SETBP1: variants seen among roughly 807,000 people sequenced by gnomAD.
SETBP1 encodes the protein SET binding protein 1.
In SETBP1, 9 loss-of-function variants were observed where a neutral mutation model predicts 101.0. The observed-to-expected ratio is 0.09, with a 90% CI of 0.05 to 0.16. The LOEUF (loss-of-function observed/expected upper bound fraction) is 0.16. Ranked by LOEUF, SETBP1 falls within the 10% of genes least tolerant of loss-of-function variation. The pLI is 1.00. For synonymous variants in SETBP1, 818 were observed against 788.5 expected, an observed-to-expected ratio of 1.04 and a Z score of -0.63; for missense variants, 1,858 against 2,033.8, an observed-to-expected ratio of 0.91 and a Z score of 1.66.
At chr18:44,786,066 T>C (rs1028618005) in intron 2 of SETBP1, among the ~76,000 whole-genome samples, 2 of 152,226 alleles carry the variant, frequency 1.3e-5, no homozygotes, top group African/African-American at 4.8e-5. Context: ...AATCTCAGTA[T>C]TGATTTTTCA....
chr18:45,029,761 C>T (rs148751511), intron 4 of SETBP1, among the ~76,000 whole-genome samples: 7,224 of 152,018 alleles, frequency 0.048, 186 homozygotes, highest in Non-Finnish European at 0.058. Context: ...TATTTTATTC[C>T]CTTTGAAGCA....
rs1383628966 is a variant in SETBP1, at chr18:45,066,653, G to C, written c.*2955G>C. 1.4e-5 allele frequency: 2 copies of C among 141,194 alleles called. No homozygotes were observed. Among genetic ancestry groups the C allele is most frequent in the South Asian group, 4.6e-4 (2 of 4,370 alleles). 8.7% of individuals were successfully genotyped at this position (141,194 alleles called of 1,614,324 possible). A position where few individuals can be genotyped will look rare whatever the true frequency, so the allele number is the denominator to read the frequency against. ...TGGAGGTCTCTGGCCCCCCAACACT[G>C]CCTTCTGGGGGCTGCATTTTTTTTT... On this transcript the variant is annotated 3_prime_UTR_variant, in exon 6 of 6. Coordinates refer to ENST00000649279, the MANE Select transcript of SETBP1 (RefSeq NM_015559.3).
chr18:44,960,029 C>T (rs573116315), intron 4 of SETBP1, among the ~76,000 whole-genome samples: 1 of 152,196 alleles, frequency 6.6e-6, no homozygotes, highest in South Asian at 2.1e-4. Context: ...GTCTCAGCCT[C>T]CCAAGTAACT....
chr18:44,859,014 A>T (rs1428979487), intron 2 of SETBP1, among the ~76,000 whole-genome samples: 3 of 150,606 alleles, frequency 2.0e-5, no homozygotes, highest in African/African-American at 7.3e-5. Flanking sequence ...AAGGAAGGAA[A>T]AAAGTGTGGG....
intron 2 of SETBP1, among the ~76,000 whole-genome samples, chr18:44,849,307 G>T (rs889529950): frequency 1.3e-5 from 2 of 152,134 alleles, no homozygotes; most frequent in African/African-American, 4.8e-5. Context: ...CAGATCCCAT[G>T]ATTCAATAAA....
chr18:44,891,710 T>C (rs944881510), intron 3 of SETBP1, among the ~76,000 whole-genome samples: 5 of 152,144 alleles, frequency 3.3e-5, no homozygotes, highest in African/African-American at 4.8e-5. Flanking sequence ...TTTCCTGGGT[T>C]ATTGCTTAGT....
chr18:44,990,309 A>G (rs866045052), intron 4 of SETBP1, among the ~76,000 whole-genome samples: 1 of 152,168 alleles, frequency 6.6e-6, no homozygotes, highest in African/African-American at 2.4e-5. Context: ...ATATTTGAAC[A>G]TTGGCCAGGG....
At chr18:44,897,285 C>T (rs2069928662) in intron 3 of SETBP1, among the ~76,000 whole-genome samples, 1 of 152,114 alleles carries the variant, frequency 6.6e-6, no homozygotes, top group African/African-American at 2.4e-5. Flanking sequence ...GCTGAAGCTT[C>T]GGGGCATCCC....
chr18:44,899,973 A>T (rs1465787462), intron 3 of SETBP1, among the ~76,000 whole-genome samples: 2 of 152,218 alleles, frequency 1.3e-5, no homozygotes, highest in Admixed American at 6.5e-5. Context: ...TGTTGCAATG[A>T]CACAACCCTG....
At chr18:44,984,290 G>A (rs1263280917) in intron 4 of SETBP1, among the ~76,000 whole-genome samples, 1 of 152,190 alleles carries the variant, frequency 6.6e-6, no homozygotes, top group African/African-American at 2.4e-5. Context: ...AGACAGGCAG[G>A]GCAGGGGAGT....
chr18:44,996,115 T>C (rs995092660), intron 4 of SETBP1, among the ~76,000 whole-genome samples: 3 of 152,240 alleles, frequency 2.0e-5, no homozygotes, highest in Admixed American at 1.3e-4. Context: ...AAGTAGCTAC[T>C]GTTCTTGTTT....
intron 5 of SETBP1, among the ~76,000 whole-genome samples, chr18:45,041,792 A>C (rs1272536874): frequency 6.6e-6 from 1 of 151,978 alleles, no homozygotes; most frequent in Non-Finnish European, 1.5e-5. Context: ...TGAAACCTCT[A>C]CTAAAAATAC....
chr18:44,961,804 C>T (rs995430024), intron 4 of SETBP1, among the ~76,000 whole-genome samples: 1 of 152,152 alleles, frequency 6.6e-6, no homozygotes, highest in African/African-American at 2.4e-5. Context: ...TTGAAAATTC[C>T]TTTCTGTGGT....
chr18:44,940,679 G>A lies in SETBP1; in HGVS notation c.541-9202G>A, dbSNP rs547820196. 2.6e-4 allele frequency among the ~76,000 whole-genome samples: 39 copies of A among 152,126 alleles called. No individual in the cohort carries two copies. The South Asian group carries it at 7.7e-3, about 30-fold the overall frequency. On this transcript the variant is annotated intron_variant, in intron 3 of 5. Coordinates refer to ENST00000649279, the MANE Select transcript of SETBP1 (RefSeq NM_015559.3). Reference sequence around the variant, plus strand: ...CTCTTATTCTTTGTTTTATTGTTGTGGTGGAGTTTATTTCTACAAATGTCA... The same window carrying A: ...CTCTTATTCTTTGTTTTATTGTTGTAGTGGAGTTTATTTCTACAAATGTCA...
intron 2 of SETBP1, among the ~76,000 whole-genome samples, chr18:44,818,798 C>T (rs995568712): frequency 2.6e-5 from 4 of 151,296 alleles, no homozygotes; most frequent in Non-Finnish European, 5.9e-5. Flanking sequence ...CATCATAACA[C>T]GATTATATTT....
At chr18:45,030,179 T>C (rs576855929) in intron 4 of SETBP1, among the ~76,000 whole-genome samples, 8,941 of 137,676 alleles carry the variant, frequency 0.065, 341 homozygotes, top group African/African-American at 0.14. Context: ...TTTTGAGATA[T>C]GTCCCATCAA....
chr18:45,002,201 A>G (rs1170255276), intron 4 of SETBP1, among the ~76,000 whole-genome samples: 1 of 152,200 alleles, frequency 6.6e-6, no homozygotes, highest in African/African-American at 2.4e-5. Flanking sequence ...GAGCATTTCA[A>G]AAATTCACCC....
chr18:44,765,562 A>G (rs2070748730), intron 2 of SETBP1, among the ~76,000 whole-genome samples: 1 of 152,242 alleles, frequency 6.6e-6, no homozygotes, highest in Non-Finnish European at 1.5e-5. Flanking sequence ...CGGAATAATT[A>G]TTTAGTGAAT....
At position 44,951,423 on chromosome 18, in the gene SETBP1, C is replaced by A; in HGVS notation, c.2083C>A (p.Pro695Thr). 6.2e-7 allele frequency: 1 copy of A among 1,614,082 alleles called. No homozygotes were observed. The highest frequency in any genetic ancestry group is 8.5e-7 in the Non-Finnish European group (1 of 1,180,010). ...SSSVALKAKAPPETSPGAAAI... is the reference protein window; with the variant it reads ...SSSVALKAKATPETSPGAAAI... ...CAGCGTTGCTCTGAAGGCAAAAGCT[C>A]CCCCAGAGACCAGCCCTGGGGCAGC... Residue 695 changes from proline to threonine, a missense_variant, in exon 4 of 6, where the codon CCC becomes ACC. Physicochemically the swap from Pro to Thr is conservative, Grantham distance 38. Around this residue, in one of 12 missense-constraint regions of SETBP1, gnomAD observed 111 missense variants for 119.3 expected, o/e 0.93. Transcript: ENST00000649279. The surrounding 1 kb of genome is among the most constrained non-coding windows in gnomAD (Gnocchi z 7.8).
Sources: allele counts gnomAD v4.1 joint callset (sites outside exome capture counted in the v4.1 genomes callset), GRCh38; gene constraint gnomAD v4.1.1; regional missense constraint gnomAD v4.1.1; non-coding constraint Gnocchi (gnomAD v3.1); transcripts MANE v1.5; gene names NCBI Gene and HGNC (gene_info 2026-07-23, HGNC 2026-07-21).